ACTN4: variants seen among roughly 807,000 people sequenced by gnomAD.
ACTN4 encodes the protein actinin alpha 4, also known as alpha-actinin-4.
A neutral mutation model predicts 114.2 loss-of-function variants in ACTN4; 18 were observed. The ratio of observed to expected loss-of-function variants is 0.16; its 90% CI spans 0.11 to 0.23. The LOEUF is 0.23. Among genes scored for constraint, ACTN4 ranks in the 10% least tolerant of loss-of-function variants. The pLI, the probability that ACTN4 is intolerant of heterozygous loss-of-function variation, is 1.00. For missense variants in ACTN4, 722 were observed against 1,262.9 expected (o/e 0.57, Z 6.49); for synonymous variants, 515 against 506.3 (o/e 1.02, Z -0.23).
At position 38,730,097 on chromosome 19, in the gene ACTN4, AAAAAAGG is replaced by A. The variant is rs1969446279; in HGVS notation, c.*671_*677del. 1 of 149,342 alleles carries A rather than the reference AAAAAAGG, an allele frequency of 6.7e-6. No individual in the cohort carries two copies. The highest frequency in any genetic ancestry group is 1.5e-5 in the Non-Finnish European group (1 of 67,258). 9.3% of individuals were successfully genotyped at this position (149,342 alleles called of 1,614,324 possible). Reference sequence around the variant, plus strand: ...CTCAGATTTTCTAAGAACCAAAAAAAAAAAAGGAAAAAAAACACAAAACAACAAAAAC... The same window carrying A: ...CTCAGATTTTCTAAGAACCAAAAAAAAAAAAAAACACAAAACAACAAAAAC... On this transcript the variant is annotated 3_prime_UTR_variant, in exon 21 of 21. Coordinates refer to ENST00000252699, the MANE Select transcript of ACTN4 (RefSeq NM_004924.6).
intron 3 of ACTN4, among the ~76,000 whole-genome samples, chr19:38,702,042 A>G (rs1326814354): frequency 6.6e-6 from 1 of 152,230 alleles, no homozygotes; most frequent in African/African-American, 2.4e-5. Context: ...TTTGTTTAAA[A>G]AAATCACAAC....
chr19:38,670,921 TAAA>T (rs543111965), intron 1 of ACTN4, among the ~76,000 whole-genome samples: 2 of 124,072 alleles, frequency 1.6e-5, no homozygotes, highest in Non-Finnish European at 1.7e-5. Flanking sequence ...TACTCCAACT[TAAA>T]AAAAAAAAAA....
chr19:38,698,120 G>A (rs568036586), intron 1 of ACTN4, among the ~76,000 whole-genome samples: 24 of 152,296 alleles, frequency 1.6e-4, no homozygotes, highest in African/African-American at 5.5e-4. Flanking sequence ...CTGTGGAGGG[G>A]GTGGGCAGGA....
rs570011301 is a variant in ACTN4, at chr19:38,729,623, C to T, written c.*191C>T. On this transcript the variant is annotated 3_prime_UTR_variant, in exon 21 of 21. Coordinates refer to ENST00000252699, the MANE Select transcript of ACTN4 (RefSeq NM_004924.6). ...TTGTGGGTTGGCCAGGAGGTTCCCC[C>T]GACCAGGTTGGGGAGACTTGGGGCC... is the stretch of plus-strand genomic sequence containing the variant. The T allele has an allele frequency of 4.8e-5, 41 of 849,202 alleles. No homozygotes were observed. Among genetic ancestry groups the T allele is most frequent in the Non-Finnish European group, 6.3e-5 (33 of 520,776 alleles). The allele number at this position is 849,202 out of a possible 1,614,324, so 52.6% of individuals were successfully genotyped here.
intron 1 of ACTN4, among the ~76,000 whole-genome samples, chr19:38,699,756 A>G (rs1968206783): frequency 6.7e-6 from 1 of 148,478 alleles, no homozygotes; most frequent in Non-Finnish European, 1.5e-5. Flanking sequence ...CTCCTTCTCA[A>G]AAAAAAAAAA....
At chr19:38,669,890 G>A (rs901831094) in intron 1 of ACTN4, among the ~76,000 whole-genome samples, 4 of 152,144 alleles carry the variant, frequency 2.6e-5, no homozygotes, top group Non-Finnish European at 5.9e-5. Flanking sequence ...CAAGCGTTGG[G>A]GGAAGGAGGG....
chr19:38,707,343 G>A (rs543681882), intron 5 of ACTN4, among the ~76,000 whole-genome samples: 6 of 152,122 alleles, frequency 3.9e-5, no homozygotes, highest in Admixed American at 1.3e-4. Context: ...ACACCACAGC[G>A]CGGGGACCAG....
At chr19:38,658,928 C>T (rs774862945) in intron 1 of ACTN4, among the ~76,000 whole-genome samples, 2 of 151,892 alleles carry the variant, frequency 1.3e-5, no homozygotes, top group Non-Finnish European at 1.5e-5. Context: ...TCAAGAATGT[C>T]GGCTATAATC....
rs1417790939 is a variant in ACTN4 at position 38,714,406 on chromosome 19, C to T, written c.820-63C>T. ...CCATGGACCAGCTGCTTTCAAGGGA[C>T]GTGCCCGTCAGGAGGGAGGGTGGCC... On this transcript the variant is annotated intron_variant, in intron 8 of 20. Transcript: ENST00000252699. 3.3e-5 allele frequency: 49 copies of T among 1,491,162 alleles called. 2 individuals are homozygous for T. Among genetic ancestry groups the T allele is most frequent in the South Asian group, 1.1e-4 (10 of 87,370 alleles). The allele number at this position is 1,491,162 out of a possible 1,614,324, so 92.4% of individuals were successfully genotyped here. A position where few individuals can be genotyped will look rare whatever the true frequency, so the allele number is the denominator to read the frequency against.
intron 9 of ACTN4, among the ~76,000 whole-genome samples, chr19:38,716,449 A>C (rs545834731): frequency 6.6e-6 from 1 of 152,364 alleles, no homozygotes; most frequent in Admixed American, 6.5e-5. Flanking sequence ...AGACAGCGGC[A>C]GTGGGGCATG....
At chr19:38,710,199 G>A in intron 7 of ACTN4, 58 bp from the exon 8 acceptor site, 1 of 1,586,276 alleles carries the variant, frequency 6.3e-7, no homozygotes. Flanking sequence ...ATCCCAGTGA[G>A]TGACGCCTCC....
intron 1 of ACTN4, among the ~76,000 whole-genome samples, chr19:38,662,726 G>C (rs1220895228): frequency 6.6e-6 from 1 of 152,158 alleles, no homozygotes; most frequent in African/African-American, 2.4e-5. Flanking sequence ...TTCCATGGTG[G>C]GTGGCTTATT....
intron 1 of ACTN4, among the ~76,000 whole-genome samples, chr19:38,699,106 T>C (rs749701): frequency 0.51 from 78,216 of 152,022 alleles, 20,598 homozygotes; most frequent in South Asian, 0.66. Flanking sequence ...TTTTCCCAGG[T>C]CCTGTTGCAG....
chr19:38,656,478 T>C (rs116416746), intron 1 of ACTN4, among the ~76,000 whole-genome samples: 2,143 of 152,304 alleles, frequency 0.014, 55 homozygotes, highest in African/African-American at 0.047. Flanking sequence ...ACCCTACATT[T>C]TGAAAGGAAA....
At position 38,663,306 on chromosome 19, in the gene ACTN4, A is replaced by G. The variant is rs146184053; in HGVS notation, c.162+15399A>G. Reference sequence around the variant, plus strand: ...AGGTAGAAATATGACCGCCATGGCCAGACAGCAGCCCTCGCTGGGCCCCTC... The same window carrying G: ...AGGTAGAAATATGACCGCCATGGCCGGACAGCAGCCCTCGCTGGGCCCCTC... On this transcript the variant is annotated intron_variant, in intron 1 of 20. Transcript: ENST00000252699. Among the ~76,000 whole-genome samples, 5 of 152,348 alleles carry G rather than the reference A, an allele frequency of 3.3e-5. No homozygotes were observed. In the East Asian group the frequency reaches 9.6e-4, roughly 29 times the overall value.
chr19:38,714,414 T>G, intron 8 of ACTN4, 55 bp from the exon 9 acceptor site: 1 of 1,558,824 alleles, frequency 6.4e-7, no homozygotes, highest in African/African-American at 1.4e-5. Context: ...GACGTGCCCG[T>G]CAGGAGGGAG....
chr19:38,650,166 A>C (rs1976516677), intron 1 of ACTN4, among the ~76,000 whole-genome samples: 1 of 152,126 alleles, frequency 6.6e-6, no homozygotes, highest in African/African-American at 2.4e-5. Context: ...TGGAGAAAAT[A>C]AACCCCTCCC....
rs1018493210 is a variant in ACTN4 at position 38,647,674 on chromosome 19, C to G, written c.-72C>G. 4 of 1,479,962 alleles carry G rather than the reference C, an allele frequency of 2.7e-6. No individual in the cohort carries two copies. The East Asian group carries it at 8.7e-5, about 32-fold the overall frequency. The allele number at this position is 1,479,962 out of a possible 1,614,324, so 91.7% of individuals were successfully genotyped here. A position where few individuals can be genotyped will look rare whatever the true frequency, so the allele number is the denominator to read the frequency against. On this transcript the variant is annotated 5_prime_UTR_variant, in exon 1 of 21. Coordinates refer to ENST00000252699, the MANE Select transcript of ACTN4 (RefSeq NM_004924.6). ...GAAGCAGCTGAAGCGGCGGTAGCGG[C>G]GGCGGCTCGGGCAGAGGGGCGGGAG...
At chr19:38,673,770 T>G in intron 1 of ACTN4, among the ~76,000 whole-genome samples, 1 of 123,818 alleles carries the variant, frequency 8.1e-6, no homozygotes, top group Non-Finnish European at 1.6e-5. Context: ...TATATATATA[T>G]TTATATATGT....
Sources: gnomAD v4.1 joint callset for allele counts (sites outside exome capture counted in the v4.1 genomes callset) on GRCh38, gnomAD v4.1.1 for gene constraint, MANE v1.5 for transcripts, NCBI Gene and HGNC (gene_info 2026-07-23, HGNC 2026-07-21) for gene names.